The following CDH4 variants were observed in gnomAD, a reference collection of about 807,000 sequenced individuals.
CDH4 encodes cadherin-4.
Under a neutral mutation model 86.0 loss-of-function variants are expected in CDH4, and 33 were observed. That is an observed-to-expected ratio of 0.38 (90% CI 0.29 to 0.51). CDH4 has a LOEUF of 0.51. CDH4 is among the 20% of genes least tolerant of loss of function. CDH4 has a pLI of 0.86. For missense variants in CDH4, 1,114 were observed against 1,307.4 expected (o/e 0.85, Z 2.28); for synonymous variants, 555 against 549.4 (o/e 1.01, Z -0.14).
At chr20:61,691,662 T>C (rs1454041005) in intron 2 of CDH4, among the ~76,000 whole-genome samples, 1 of 152,190 alleles carries the variant, frequency 6.6e-6, no homozygotes, top group Non-Finnish European at 1.5e-5. Flanking sequence ...AGCCTGTTGC[T>C]CCAGGCGGCA....
intron 2 of CDH4, among the ~76,000 whole-genome samples, chr20:61,328,954 C>T (rs2084552823): frequency 1.3e-5 from 2 of 152,204 alleles, no homozygotes; most frequent in African/African-American, 4.8e-5. Context: ...TGAAAATGCA[C>T]TTAATACACC....
chr20:61,731,756 G>A (rs921873737), intron 2 of CDH4, among the ~76,000 whole-genome samples: 6 of 152,192 alleles, frequency 3.9e-5, no homozygotes, highest in African/African-American at 1.2e-4. Context: ...GGCTCGTGGG[G>A]TAGAAGGTTC....
chr20:61,381,697 C>G (rs1022335116), intron 2 of CDH4, among the ~76,000 whole-genome samples: 1 of 152,142 alleles, frequency 6.6e-6, no homozygotes, highest in Non-Finnish European at 1.5e-5. Flanking sequence ...CAATTACTCA[C>G]TTTCCCACCC....
At chr20:61,329,747 G>A (rs1249219301) in intron 2 of CDH4, among the ~76,000 whole-genome samples, 1 of 152,100 alleles carries the variant, frequency 6.6e-6, no homozygotes, top group Admixed American at 6.6e-5. Flanking sequence ...TTGTTACATA[G>A]GCAAGCATGT....
intron 2 of CDH4, among the ~76,000 whole-genome samples, chr20:61,546,069 A>G (rs1189626010): frequency 4.4e-5 from 3 of 68,278 alleles, no homozygotes; most frequent in Non-Finnish European, 2.8e-5. Flanking sequence ...GCATGTGTGG[A>G]GGGGGTTTGT....
intron 2 of CDH4, among the ~76,000 whole-genome samples, chr20:61,456,722 C>G (rs2085408875): frequency 1.3e-5 from 2 of 152,184 alleles, no homozygotes; most frequent in Admixed American, 1.3e-4. Context: ...AGAGGCAGCT[C>G]CAGAGAGGAG....
intron 2 of CDH4, among the ~76,000 whole-genome samples, chr20:61,677,529 C>G (rs544808317): frequency 1.3e-5 from 2 of 152,160 alleles, no homozygotes; most frequent in Non-Finnish European, 1.5e-5. Flanking sequence ...AAACACAGCA[C>G]TTTACACTTT....
At chr20:61,926,468 TAGCTGTGC>T (rs377020903) in intron 11 of CDH4, among the ~76,000 whole-genome samples, 173 of 152,266 alleles carry the variant, frequency 1.1e-3, no homozygotes, top group Non-Finnish European at 1.7e-3. Flanking sequence ...CCGGGCTGTG[TAGCTGTGC>T]AGCTGTGCAG....
chr20:61,319,270 A>C (rs1183060837), intron 2 of CDH4, among the ~76,000 whole-genome samples: 1 of 152,190 alleles, frequency 6.6e-6, no homozygotes, highest in Non-Finnish European at 1.5e-5. Context: ...ACTGAGGCTC[A>C]GGAAGGTGAC....
chr20:61,330,900 C>T lies in CDH4; in HGVS notation c.169+75963C>T, dbSNP rs551143121. On this transcript the variant is annotated intron_variant, in intron 2 of 15. Transcript: ENST00000614565. ...TAAAGATTGAGTTGTTTCCAGTTTC[C>T]TATCATAAAATCCTCCTCCCCTGAG... Among the ~76,000 whole-genome samples the T allele has an allele frequency of 2.0e-5, 3 of 152,252 alleles. No individual in the cohort carries two copies. In the East Asian group the frequency reaches 5.8e-4, roughly 29 times the overall value.
At chr20:61,802,600 A>G (rs1979886321) in intron 4 of CDH4, among the ~76,000 whole-genome samples, 1 of 152,160 alleles carries the variant, frequency 6.6e-6, no homozygotes, top group South Asian at 2.1e-4. Context: ...ACGGGAGTCC[A>G]CGCGTGGGTT....
chr20:61,457,654 G>T (rs890617189), intron 2 of CDH4, among the ~76,000 whole-genome samples: 18 of 151,978 alleles, frequency 1.2e-4, no homozygotes, highest in African/African-American at 4.3e-4. Context: ...AGATGGTCAT[G>T]GTCATGATGA....
At chr20:61,460,729 G>T (rs1600695413) in intron 2 of CDH4, among the ~76,000 whole-genome samples, 1 of 152,336 alleles carries the variant, frequency 6.6e-6, no homozygotes, top group South Asian at 2.1e-4. Flanking sequence ...CAGAGAAGGG[G>T]CTCATGGTGG....
chr20:61,593,997 T>C (rs1483481582), intron 2 of CDH4, among the ~76,000 whole-genome samples: 1 of 125,730 alleles, frequency 8.0e-6, no homozygotes, highest in Non-Finnish European at 1.6e-5. Context: ...CATGAGGAAA[T>C]ACAGATTCAG....
intron 2 of CDH4, among the ~76,000 whole-genome samples, chr20:61,381,953 G>A (rs2084904213): frequency 7.0e-6 from 1 of 143,464 alleles, no homozygotes; most frequent in Non-Finnish European, 1.5e-5. Context: ...GCAGGCACCT[G>A]TAATCCCAGC....
intron 2 of CDH4, among the ~76,000 whole-genome samples, chr20:61,440,123 T>A (rs1406171667): frequency 6.6e-6 from 1 of 152,254 alleles, no homozygotes; most frequent in Non-Finnish European, 1.5e-5. Flanking sequence ...ATGCCTGCGC[T>A]ATCTTCATCA....
chr20:61,253,004 G>A (rs2084072762), intron 1 of CDH4, among the ~76,000 whole-genome samples: 3 of 151,698 alleles, frequency 2.0e-5, no homozygotes, highest in Admixed American at 6.6e-5. Flanking sequence ...GGCGTGGGGC[G>A]CCCGGCGGCT....
chr20:61,874,047 T>TCCTTTGCTGAGTCTCTC, intron 7 of CDH4, 147 bp downstream of exon 7: 2 of 829,462 alleles, frequency 2.4e-6, no homozygotes, highest in Non-Finnish European at 3.8e-6. Context: ...TGGGAGAGAC[T>TCCTTTGCTGAGTCTCTC]CAGCAAAGGA....
intron 2 of CDH4, among the ~76,000 whole-genome samples, chr20:61,329,053 A>G (rs1226007163): frequency 6.6e-6 from 1 of 152,210 alleles, no homozygotes; most frequent in African/African-American, 2.4e-5. Flanking sequence ...CCGATTTGAT[A>G]GTAACATGTT....
Sources: gnomAD v4.1 joint callset for allele counts (sites outside exome capture counted in the v4.1 genomes callset) on GRCh38, gnomAD v4.1.1 for gene constraint, MANE v1.5 for transcripts, NCBI Gene and HGNC (gene_info 2026-07-23, HGNC 2026-07-21) for gene names.